ORMDL1: variants seen among roughly 807,000 people sequenced by gnomAD.
The protein encoded by ORMDL1 is ORMDL sphingolipid biosynthesis regulator 1, also known as ORM1-like protein 1.
In ORMDL1, 10 loss-of-function variants were observed where a neutral mutation model predicts 13.0. That is an observed-to-expected ratio of 0.77 (90% confidence interval 0.47 to 1.30). The LOEUF is 1.30. ORMDL1 is among the 50% of genes most tolerant of loss of function. The probability of loss-of-function intolerance (pLI) is 0.00; values close to 1 mark genes in which losing one functional copy is unlikely to be tolerated. For missense variants in ORMDL1, 171 were observed against 186.7 expected (o/e 0.92, Z 0.49); for synonymous variants, 61 against 63.9 (o/e 0.95, Z 0.22).
At chr2:189,783,299 A>AGATG (rs2047933550) in intron 1 of ORMDL1, 176 bp from the exon 2 acceptor site, 2 of 152,236 alleles carry the variant, frequency 1.3e-5, no homozygotes, top group African/African-American at 4.8e-5. Context: ...TTTCCATTGA[A>AGATG]GATGGACTCC....
chr2:189,772,057 C>T (rs2047591178), intron 4 of ORMDL1, among the ~76,000 whole-genome samples, 155 bp from the exon 5 acceptor site: 1 of 152,088 alleles, frequency 6.6e-6, no homozygotes, highest in Non-Finnish European at 1.5e-5. Context: ...TCGGTTTGGT[C>T]CCAAGTTTAT....
At chr2:189,765,839 A>ATTTTTTTTT (rs72132150), downstream of ORMDL1, among the ~76,000 whole-genome samples, 1 of 106,748 alleles carries the variant, frequency 9.4e-6, no homozygotes, top group Admixed American at 1.2e-4. Flanking sequence ...TACTTTCTCC[A>ATTTTTTTTT]TTTTTTTTTT....
chr2:189,772,064 T>G lies in ORMDL1; in HGVS notation c.327-162A>C, dbSNP rs546289404. Among the ~76,000 whole-genome samples the G allele has an allele frequency of 2.0e-5, 3 of 152,280 alleles. No individual in the cohort carries two copies. The South Asian group carries it at 6.2e-4, about 32-fold the overall frequency. On this transcript the variant is annotated intron_variant, in intron 4 of 4. Coordinates refer to ENST00000392349, the MANE Select transcript of ORMDL1 (RefSeq NM_016467.5). ...AAGAGGAATCGGTTTGGTCCCAAGTTTATCTCATTAGGAACTAAAAAATTT... is the reference window on the plus strand; with the variant it reads ...AAGAGGAATCGGTTTGGTCCCAAGTGTATCTCATTAGGAACTAAAAAATTT...
Position 189,775,695 on chromosome 2 carries a change from C to T in ORMDL1, c.196G>A (p.Ala66Thr). Reference protein sequence around the residue: ...HNLGMYVFLHAVKGTPFETPD... With the variant: ...HNLGMYVFLHTVKGTPFETPD... ...GTTTCGAAAGGTGTTCCTTTCACTG[C>T]ATGCAAAAATACGTACATCCCCTGG... The change falls in exon 4 of 5, where the codon GCA (alanine) becomes ACA (threonine). Residue 66 changes from alanine (A) to threonine (T), a missense_variant. Transcript: ENST00000392349. 1 of 1,612,910 alleles carries T rather than the reference C, an allele frequency of 6.2e-7. No homozygotes were observed.
downstream of ORMDL1, among the ~76,000 whole-genome samples, chr2:189,767,748 C>T (rs2047506641): frequency 6.6e-6 from 1 of 152,158 alleles, no homozygotes; most frequent in Non-Finnish European, 1.5e-5. Context: ...CGTAAGTCAT[C>T]CCATAACCAT....
At position 189,782,460 on chromosome 2, in the gene ORMDL1, G is replaced by A. The variant is rs749001647; in HGVS notation, c.136C>T (p.Pro46Ser). The A allele has an allele frequency of 3.7e-6, 6 of 1,614,026 alleles. No individual in the cohort carries two copies. In the South Asian group the frequency reaches 6.6e-5, roughly 18 times the overall value. The change falls in exon 3 of 5, where the codon CCT becomes TCT. Residue 46 changes from proline to serine, a missense_variant. Physicochemically the swap from Pro to Ser is moderately conservative, Grantham distance 74. Transcript: ENST00000392349. ...ATATTTGTTAAAGTCCAAGCAACAG[G>A]AACACTGAAGAAGGGAATGCTGAGT... Reference protein sequence around the residue: ...VLLSIPFFSVPVAWTLTNIIH... With the variant: ...VLLSIPFFSVSVAWTLTNIIH...
chr2:189,772,925 T>A (rs1457787649), intron 4 of ORMDL1, among the ~76,000 whole-genome samples: 1 of 152,192 alleles, frequency 6.6e-6, no homozygotes, highest in East Asian at 1.9e-4. Context: ...TTCCACCTAT[T>A]TTGCAAACTA....
At position 189,777,806 on chromosome 2, in the gene ORMDL1, A is replaced by G. The variant is rs554756582; in HGVS notation, c.175-2090T>C. ...AATAAAGCAACCACTGTAGGTTTCT[A>G]CTGTACGGTTCAGAAAGGCAAATAT... On this transcript the variant is annotated intron_variant, in intron 3 of 4. Transcript: ENST00000392349. Among the ~76,000 whole-genome samples, 21 of 152,332 alleles carry G rather than the reference A, an allele frequency of 1.4e-4. No homozygotes were observed. In the South Asian group the frequency reaches 4.3e-3, roughly 32 times the overall value.
chr2:189,782,613 TAATGA>T lies in ORMDL1; in HGVS notation c.-7-16_-7-12del. On this transcript the variant is annotated splice_polypyrimidine_tract_variant and intron_variant, in intron 2 of 4. Transcript: ENST00000392349. Reference sequence around the variant, plus strand: ...ACGTTCATGTTTGCTCTGTAGGAAGTAATGAAATGAATCAACACTGATACAACTGG... The same window carrying T: ...ACGTTCATGTTTGCTCTGTAGGAAGTAATGAATCAACACTGATACAACTGG... 1 of 1,609,704 alleles carries T rather than the reference TAATGA, an allele frequency of 6.2e-7. No individual in the cohort carries two copies. Among genetic ancestry groups the T allele is most frequent in the South Asian group, 1.1e-5 (1 of 90,826 alleles).
chr2:189,781,685 C>G, intron 3 of ORMDL1, among the ~76,000 whole-genome samples: 1 of 151,716 alleles, frequency 6.6e-6, no homozygotes, highest in East Asian at 1.9e-4. Context: ...AAAAAAAAGT[C>G]TTACTTAGAA....
rs374843989 is a variant in ORMDL1 at position 189,782,408 on chromosome 2, T to C, written c.174+14A>G. ...TAAAACTTTTAAGTGTTTAGTATAA[T>C]GTGAAATTCTTACCAGATTATGTAT... On this transcript the variant is annotated intron_variant, in intron 3 of 4. Coordinates refer to ENST00000392349, the MANE Select transcript of ORMDL1 (RefSeq NM_016467.5). 5.6e-6 allele frequency: 9 copies of C among 1,601,938 alleles called. No homozygotes were observed. In the African/African-American group the frequency reaches 1.1e-4, roughly 19 times the overall value.
At chr2:189,768,520 A>C (rs2047519023), downstream of ORMDL1, among the ~76,000 whole-genome samples, 1 of 152,318 alleles carries the variant, frequency 6.6e-6, no homozygotes, top group East Asian at 1.9e-4. Flanking sequence ...ATAAACTAAA[A>C]TCTAACAAGA....
Position 189,782,601 on chromosome 2 carries a change from CT to C in ORMDL1, c.-7del. The C allele has an allele frequency of 6.2e-7, 1 of 1,612,968 alleles. No homozygotes were observed. The highest frequency in any genetic ancestry group is 8.5e-7 in the Non-Finnish European group (1 of 1,179,182). ...TGGGCAACTCCAACGTTCATGTTTG[CT>C]CTGTAGGAAGTAATGAAATGAATCA... is the stretch of plus-strand genomic sequence containing the variant. On this transcript the variant is annotated splice_region_variant and 5_prime_UTR_variant, in exon 3 of 5. Transcript: ENST00000392349.
the ORMDL1 span, chr2:189,764,249 A>G: frequency 6.6e-6 from 1 of 152,382 alleles, no homozygotes; most frequent in Non-Finnish European, 1.5e-5. Flanking sequence ...TATTTCTGTT[A>G]TACACTGGAA....
At chr2:189,775,544 C>A (rs2047674799) in intron 4 of ORMDL1, 21 bp downstream of exon 4, 2 of 1,581,278 alleles carry the variant, frequency 1.3e-6, no homozygotes, top group African/African-American at 1.4e-5. Context: ...CTCCTCATAC[C>A]TAAAAATTTC....
Position 189,771,131 on chromosome 2 carries a change from T to C in ORMDL1, c.*636A>G, listed in dbSNP as rs1390049630. On this transcript the variant is annotated 3_prime_UTR_variant, in exon 5 of 5. Transcript: ENST00000392349. ...TTGTAAGACACTTGGCTATCTTTTA[T>C]CACCAATCAGTCACAAAGGTGAACC... The C allele has an allele frequency of 6.6e-6, 1 of 152,186 alleles. No homozygotes were observed. Among genetic ancestry groups the C allele is most frequent in the Non-Finnish European group, 1.5e-5 (1 of 68,032 alleles). The allele number at this position is 152,186 out of a possible 1,614,324, so 9.4% of individuals were successfully genotyped here.
chr2:189,765,705 A>T (rs2047468946), downstream of ORMDL1: 1 of 152,214 alleles, frequency 6.6e-6, no homozygotes, highest in Admixed American at 6.5e-5. Context: ...ACAGAACAGA[A>T]ACAATAGAAA....
chr2:189,766,222 A>G (rs1468675004), downstream of ORMDL1, among the ~76,000 whole-genome samples: 2 of 152,186 alleles, frequency 1.3e-5, no homozygotes, highest in East Asian at 1.9e-4. Flanking sequence ...TCTTTGGAAG[A>G]TATTTTGGGT....
At chr2:189,772,414 T>C (rs1348550858) in intron 4 of ORMDL1, among the ~76,000 whole-genome samples, 7 of 152,224 alleles carry the variant, frequency 4.6e-5, no homozygotes, top group African/African-American at 1.7e-4. Flanking sequence ...ATTTTCATAC[T>C]GTAGTTGAGC....
Sources: allele counts gnomAD v4.1 joint callset (sites outside exome capture counted in the v4.1 genomes callset), GRCh38; gene constraint gnomAD v4.1.1; transcripts MANE v1.5; gene names NCBI Gene and HGNC (gene_info 2026-07-23, HGNC 2026-07-21).